NBEA: variants seen among roughly 807,000 people sequenced by gnomAD.
NBEA encodes neurobeachin.
Under a neutral mutation model 343.4 loss-of-function variants are expected in NBEA, and 44 were observed. The ratio of observed to expected loss-of-function variants is 0.13; its 90% CI spans 0.10 to 0.16. The LOEUF (loss-of-function observed/expected upper bound fraction) is 0.16, where lower values mean the gene tolerates loss of function less well. Ranked by LOEUF, NBEA falls within the 10% of genes least tolerant of loss-of-function variation. The pLI is 1.00. For missense variants in NBEA, 2,555 were observed against 3,631.3 expected (o/e 0.70, Z 7.62); for synonymous variants, 1,175 against 1,238.7 (o/e 0.95, Z 1.08).
chr13:35,302,807 G>T (rs1490381372), intron 35 of NBEA, among the ~76,000 whole-genome samples: 1 of 151,934 alleles, frequency 6.6e-6, no homozygotes, highest in Admixed American at 6.6e-5. Context: ...ATTTCTTCTG[G>T]CCCTAGTGTC....
chr13:35,611,731 T>C (rs2082532541), intron 48 of NBEA, among the ~76,000 whole-genome samples: 1 of 152,238 alleles, frequency 6.6e-6, no homozygotes, highest in Non-Finnish European at 1.5e-5. Context: ...TGTTGTAGCA[T>C]GTATTGGTAC....
At chr13:35,545,072 G>A (rs985573320) in intron 41 of NBEA, among the ~76,000 whole-genome samples, 5 of 152,012 alleles carry the variant, frequency 3.3e-5, no homozygotes, top group African/African-American at 1.2e-4. Flanking sequence ...CAAACTGAAA[G>A]AATTATTATA....
At chr13:35,146,471 G>A (rs773148935) in intron 18 of NBEA, among the ~76,000 whole-genome samples, 5 of 152,140 alleles carry the variant, frequency 3.3e-5, no homozygotes, top group Admixed American at 1.3e-4. Flanking sequence ...CGCCAGGAAC[G>A]TTGGGTCCCT....
At chr13:35,238,879 C>T (rs1167131193) in intron 34 of NBEA, among the ~76,000 whole-genome samples, 1 of 151,998 alleles carries the variant, frequency 6.6e-6, no homozygotes, top group African/African-American at 2.4e-5. Flanking sequence ...CATGAAATTT[C>T]TACCTTCACC....
At chr13:35,352,473 A>C (rs2040245889) in intron 38 of NBEA, 150 bp downstream of exon 38, 1 of 471,962 alleles carries the variant, frequency 2.1e-6, no homozygotes, top group Non-Finnish European at 3.4e-6. Context: ...ATCTTTAATA[A>C]TTCTTCATCA....
Position 35,048,616 on chromosome 13 carries a change from A to G in NBEA, c.777A>G (p.Leu259=). Residue 259 remains leucine, a synonymous_variant, in exon 5 of 59, where the codon TTA becomes TTG. Transcript: ENST00000379939. ...GGCCTTATCAGAATGGCTTCACCTT[A>G]AACACTTGGTTTCGTATGGATCCAT... ...AKWPYQNGFT[L]NTWFRMDPLN... 6.4e-7 allele frequency: 1 copy of G among 1,566,964 alleles called. No homozygotes were observed. The highest frequency in any genetic ancestry group is 8.8e-7 in the Non-Finnish European group (1 of 1,139,130).
intron 38 of NBEA, among the ~76,000 whole-genome samples, chr13:35,358,459 G>C (rs2040619875): frequency 1.3e-5 from 2 of 151,894 alleles, no homozygotes. Flanking sequence ...GCTCAAACCT[G>C]TAATCCCAGC....
chr13:35,414,499 C>T (rs914483395), intron 38 of NBEA, among the ~76,000 whole-genome samples: 17 of 151,980 alleles, frequency 1.1e-4, no homozygotes, highest in South Asian at 2.1e-4. Flanking sequence ...TCGGTCCTTG[C>T]GATAGTTTGC....
At chr13:35,127,330 T>C (rs982962951) in intron 17 of NBEA, among the ~76,000 whole-genome samples, 1 of 152,206 alleles carries the variant, frequency 6.6e-6, no homozygotes, top group Non-Finnish European at 1.5e-5. Flanking sequence ...GACTAAATCT[T>C]GAGGAAATTG....
At chr13:35,157,293 A>G in intron 21 of NBEA, 23 bp downstream of exon 21, 1 of 1,494,462 alleles carries the variant, frequency 6.7e-7, no homozygotes, top group Non-Finnish European at 9.0e-7. Context: ...TTAACATTTT[A>G]ACATCATCAG....
chr13:35,359,495 A>G (rs1378179480), intron 38 of NBEA, among the ~76,000 whole-genome samples: 3 of 149,880 alleles, frequency 2.0e-5, no homozygotes, highest in Non-Finnish European at 4.4e-5. Context: ...CTAATTTTCT[A>G]CTTGCTATTC....
chr13:35,105,513 A>G (rs1276274636), intron 11 of NBEA, among the ~76,000 whole-genome samples: 1 of 152,058 alleles, frequency 6.6e-6, no homozygotes, highest in Non-Finnish European at 1.5e-5. Context: ...AATTGGCGCT[A>G]TAGACCTTCA....
At chr13:35,659,043 A>C (rs2084947706) in intron 55 of NBEA, among the ~76,000 whole-genome samples, 1 of 152,228 alleles carries the variant, frequency 6.6e-6, no homozygotes, top group South Asian at 2.1e-4. Context: ...TCCAATTCAC[A>C]GGTCAGAGAA....
intron 10 of NBEA, among the ~76,000 whole-genome samples, chr13:35,097,557 CTG>C (rs1327380551): frequency 2.6e-5 from 4 of 151,972 alleles, no homozygotes; most frequent in Admixed American, 6.6e-5. Context: ...TTATATGTAA[CTG>C]TGAAGTAATG....
chr13:35,452,238 A>G lies in NBEA; in HGVS notation c.6448+3A>G. ...GAAAGAAATTGACAACCTTGCAGGT[A>G]AATTTTAAAATATATTTTTCCTATT... is the stretch of plus-strand genomic sequence containing the variant. On this transcript the variant is annotated splice_donor_region_variant and intron_variant, in intron 40 of 58. Transcript: ENST00000379939. 6.5e-7 allele frequency: 1 copy of G among 1,547,296 alleles called. No individual in the cohort carries two copies. The highest frequency in any genetic ancestry group is 1.2e-5 in the South Asian group (1 of 82,692).
intron 16 of NBEA, among the ~76,000 whole-genome samples, chr13:35,119,061 A>C (rs2066654313): frequency 6.6e-6 from 1 of 152,170 alleles, no homozygotes; most frequent in Non-Finnish European, 1.5e-5. Flanking sequence ...GTGGCAGTGC[A>C]ATGGAAATAA....
chr13:35,590,287 A>G (rs1413507347), intron 46 of NBEA, among the ~76,000 whole-genome samples: 1 of 152,074 alleles, frequency 6.6e-6, no homozygotes, highest in Non-Finnish European at 1.5e-5. Context: ...ATAGGTTATC[A>G]ATTTCTATTA....
intron 17 of NBEA, among the ~76,000 whole-genome samples, chr13:35,140,923 C>A (rs2068053708): frequency 6.6e-6 from 1 of 152,182 alleles, no homozygotes; most frequent in Admixed American, 6.5e-5. Flanking sequence ...GCTTCTCCCA[C>A]CTTGTAGCTC....
intron 10 of NBEA, among the ~76,000 whole-genome samples, chr13:35,095,247 A>G (rs1383134322): frequency 6.6e-6 from 1 of 151,340 alleles, no homozygotes; most frequent in African/African-American, 2.4e-5. Context: ...ATTAAATACA[A>G]ATTGAAATGG....
Sources: allele counts gnomAD v4.1 joint callset (sites outside exome capture counted in the v4.1 genomes callset), GRCh38; gene constraint gnomAD v4.1.1; transcripts MANE v1.5; gene names NCBI Gene and HGNC (gene_info 2026-07-23, HGNC 2026-07-21).